Variants in UNC13C observed in about 807,000 individuals in gnomAD.
UNC13C encodes the protein unc-13 homolog C, also known as protein unc-13 homolog C.
In UNC13C, 174 loss-of-function variants were observed where a neutral mutation model predicts 245.4. That is an observed-to-expected ratio of 0.71 (90% CI 0.63 to 0.80). UNC13C has a LOEUF of 0.80. Ranked by LOEUF, UNC13C falls within the 30% of genes least tolerant of loss-of-function variation. The probability of loss-of-function intolerance (pLI) is 0.00; values close to 1 mark genes in which losing one functional copy is unlikely to be tolerated. For missense variants in UNC13C, 2,829 were observed against 2,602.9 expected (o/e 1.09, Z -1.89); for synonymous variants, 992 against 895.1 (o/e 1.11, Z -1.93).
At chr15:54,366,243 A>G (rs571259677) in intron 17 of UNC13C, among the ~76,000 whole-genome samples, 10 of 152,254 alleles carry the variant, frequency 6.6e-5, no homozygotes, top group African/African-American at 2.2e-4. Context: ...TGCATTTTCT[A>G]GTTGCTATAT....
intron 17 of UNC13C, among the ~76,000 whole-genome samples, chr15:54,364,925 T>G (rs2039328989): frequency 6.6e-6 from 1 of 152,214 alleles, no homozygotes; most frequent in African/African-American, 2.4e-5. Context: ...ATAACCACTG[T>G]GCAGATGAAT....
the UNC13C span, among the ~76,000 whole-genome samples, chr15:53,915,489 T>C: frequency 6.6e-6 from 1 of 152,224 alleles, no homozygotes; most frequent in Non-Finnish European, 1.5e-5. Context: ...GTTAATTAAT[T>C]AGTATTACAG....
At chr15:53,904,094 CA>C in the UNC13C span, among the ~76,000 whole-genome samples, 1 of 152,066 alleles carries the variant, frequency 6.6e-6, no homozygotes, top group African/African-American at 2.4e-5. Flanking sequence ...TTTACCTGGC[CA>C]AATGCAAGGC....
intron 2 of UNC13C, among the ~76,000 whole-genome samples, chr15:54,077,446 T>C (rs1224228457): frequency 1.4e-5 from 2 of 139,700 alleles, no homozygotes; most frequent in African/African-American, 5.3e-5. Context: ...TGGCATGATC[T>C]TGGCTTACTG....
intron 2 of UNC13C, chr15:54,044,334 T>A (rs961064298): frequency 8.3e-6 from 2 of 239,952 alleles, no homozygotes; most frequent in African/African-American, 4.5e-5. Flanking sequence ...CTCTATATGC[T>A]GATTGGAAAA....
At chr15:54,057,996 A>G (rs985995531) in intron 2 of UNC13C, among the ~76,000 whole-genome samples, 1 of 152,238 alleles carries the variant, frequency 6.6e-6, no homozygotes, top group Non-Finnish European at 1.5e-5. Context: ...TTAAATGCCC[A>G]GAAGAGAAAG....
intron 30 of UNC13C, among the ~76,000 whole-genome samples, chr15:54,583,461 G>A (rs1452825213): frequency 2.0e-5 from 3 of 152,068 alleles, no homozygotes; most frequent in African/African-American, 7.2e-5. Flanking sequence ...TATGTCCCTC[G>A]ATTTTTTCTC....
intron 19 of UNC13C, among the ~76,000 whole-genome samples, chr15:54,434,113 C>G (rs956625715): frequency 7.9e-5 from 12 of 152,206 alleles, no homozygotes; most frequent in Admixed American, 3.3e-4. Context: ...AAATTTCATG[C>G]TCATGGATAC....
In UNC13C at chr15:54,297,821, A is replaced by G; in HGVS notation, c.3999A>G (p.Thr1333=). ...TTTTTGCTTTATCAGAGAAAAGGAC[A>G]GATAAGTCAGCTGTATCTGGGGCCA... ...MDVWYNLEKR[T]DKSAVSGAIR... The change falls in exon 12 of 33, where the codon ACA becomes ACG. Residue 1333 remains threonine (T), a synonymous_variant. Transcript: ENST00000260323. 3.1e-6 allele frequency: 5 copies of G among 1,606,486 alleles called. No individual in the cohort carries two copies. Among genetic ancestry groups the G allele is most frequent in the Non-Finnish European group, 4.3e-6 (5 of 1,175,948 alleles).
At chr15:54,139,253 C>T (rs549364664) in intron 2 of UNC13C, among the ~76,000 whole-genome samples, 2 of 132,400 alleles carry the variant, frequency 1.5e-5, no homozygotes, top group East Asian at 2.1e-4. Context: ...CAACCGCATC[C>T]GGCCCAAATT....
chr15:54,225,136 T>C (rs2035342542), intron 4 of UNC13C, among the ~76,000 whole-genome samples: 1 of 151,534 alleles, frequency 6.6e-6, no homozygotes, highest in African/African-American at 2.4e-5. Context: ...ATTAGATGGT[T>C]GTAGATGTGC....
At chr15:54,225,792 C>A (rs1239926271) in intron 4 of UNC13C, among the ~76,000 whole-genome samples, 1 of 152,126 alleles carries the variant, frequency 6.6e-6, no homozygotes, top group Non-Finnish European at 1.5e-5. Context: ...ATTTGAATAC[C>A]TTTATTTCTT....
chr15:53,864,342 G>A, the UNC13C span, among the ~76,000 whole-genome samples: 1 of 152,152 alleles, frequency 6.6e-6, no homozygotes, highest in Non-Finnish European at 1.5e-5. Flanking sequence ...ATTCTGGAAA[G>A]GAAAATAATA....
At chr15:54,494,855 C>T (rs1210692724) in intron 20 of UNC13C, 121 bp downstream of exon 20, 2 of 1,198,992 alleles carry the variant, frequency 1.7e-6, no homozygotes, top group Non-Finnish European at 2.4e-6. Context: ...CAGAAATTTC[C>T]ATTATGAAGT....
Position 54,431,469 on chromosome 15 carries a change from A to G in UNC13C, c.4933+16402A>G, listed in dbSNP as rs74796409. ...ACATATTGTCAGTACATATTAGTAT[A>G]TTAGAGTGTACAACTATCTGGTTTT... On this transcript the variant is annotated intron_variant, in intron 19 of 32. Coordinates refer to ENST00000260323, the MANE Select transcript of UNC13C (RefSeq NM_001080534.3). 4.0e-3 allele frequency among the ~76,000 whole-genome samples: 603 copies of G among 151,812 alleles called. 4 individuals are homozygous for G. Among genetic ancestry groups the G allele is most frequent in the African/African-American group, 0.014 (579 of 41,508 alleles).
At chr15:53,969,970 T>C in the UNC13C span, among the ~76,000 whole-genome samples, 3 of 152,260 alleles carry the variant, frequency 2.0e-5, no homozygotes, top group African/African-American at 7.2e-5. Flanking sequence ...TATGTTTTTG[T>C]TTGTTTGTTT....
intron 2 of UNC13C, among the ~76,000 whole-genome samples, chr15:54,039,361 T>TTTCATATTG (rs1896718640): frequency 6.6e-6 from 1 of 152,232 alleles, no homozygotes; most frequent in South Asian, 2.1e-4. Flanking sequence ...TCTAGATTCT[T>TTTCATATTG]TTCATATTGT....
intron 2 of UNC13C, among the ~76,000 whole-genome samples, chr15:54,130,105 T>A (rs1433746348): frequency 1.3e-5 from 2 of 151,834 alleles, no homozygotes; most frequent in Non-Finnish European, 2.9e-5. Flanking sequence ...TCATTTCCAT[T>A]ATGATTTCTT....
chr15:53,986,665 A>G (rs779824446), intron 1 of UNC13C, among the ~76,000 whole-genome samples: 1 of 152,026 alleles, frequency 6.6e-6, no homozygotes, highest in Non-Finnish European at 1.5e-5. Context: ...CACTTTCTGG[A>G]TGTCTGTTTT....
Sources: allele counts gnomAD v4.1 joint callset (sites outside exome capture counted in the v4.1 genomes callset), GRCh38; gene constraint gnomAD v4.1.1; transcripts MANE v1.5; gene names NCBI Gene and HGNC (gene_info 2026-07-23, HGNC 2026-07-21).